Variants in MAP3K9 observed in about 807,000 individuals in gnomAD.
MAP3K9 encodes the protein mitogen-activated protein kinase kinase kinase 9.
Under a neutral mutation model 95.8 loss-of-function variants are expected in MAP3K9, and 46 were observed. The observed-to-expected ratio is 0.48, with a 90% CI of 0.38 to 0.61. The LOEUF is 0.61. MAP3K9 is among the 20% of genes least tolerant of loss of function. MAP3K9 has a pLI of 0.00. For missense variants in MAP3K9, 1,296 were observed against 1,474.3 expected (o/e 0.88, Z 1.98); for synonymous variants, 533 against 593.8 (o/e 0.90, Z 1.49).
chr14:70,783,168 G>T (rs961502578), intron 2 of MAP3K9: 2 of 620,698 alleles, frequency 3.2e-6, no homozygotes, highest in Non-Finnish European at 4.0e-6. Flanking sequence ...ACCTAAAATT[G>T]GCCAGATTCA....
At chr14:70,753,636 C>T (rs148895908) in intron 3 of MAP3K9, among the ~76,000 whole-genome samples, 85 of 152,282 alleles carry the variant, frequency 5.6e-4, no homozygotes, top group Non-Finnish European at 1.8e-4. Flanking sequence ...TGGAAGAACT[C>T]GTTCAGCTAA....
rs1030587961 is a variant in MAP3K9 at position 70,761,079 on chromosome 14, A to G, written c.924T>C (p.Ser308=). The G allele has an allele frequency of 6.2e-7, 1 of 1,612,390 alleles. No individual in the cohort carries two copies. ...CCATCCAAGCATACGTCCCTGCCGCACTCATCTTGGTGGTTCGGTGCCATT... is the reference window on the plus strand; with the variant it reads ...CCATCCAAGCATACGTCCCTGCCGCGCTCATCTTGGTGGTTCGGTGCCATT... ...AREWHRTTKM[S]AAGTYAWMAP... Residue 308 remains serine, a synonymous_variant, in exon 3 of 12, where the codon AGT becomes AGC. Transcript: ENST00000554752.
chr14:70,765,531 T>C, intron 2 of MAP3K9: 4 of 656,428 alleles, frequency 6.1e-6, no homozygotes, highest in Non-Finnish European at 1.1e-5. Flanking sequence ...ATATTTTTAC[T>C]GTACCTTTTC....
chr14:70,796,344 C>T (rs1458900618), intron 2 of MAP3K9, among the ~76,000 whole-genome samples: 1 of 152,142 alleles, frequency 6.6e-6, no homozygotes, highest in Non-Finnish European at 1.5e-5. Flanking sequence ...GTAGTATAAA[C>T]CAGTAGTTAA....
intron 2 of MAP3K9, among the ~76,000 whole-genome samples, chr14:70,790,409 C>T (rs914280951): frequency 1.3e-5 from 2 of 152,180 alleles, no homozygotes; most frequent in Non-Finnish European, 2.9e-5. Flanking sequence ...GACCACCTGT[C>T]CAAACCCCTC....
chr14:70,733,409 G>C (rs574352740), intron 10 of MAP3K9, 67 bp from the exon 11 acceptor site: 1 of 729,488 alleles, frequency 1.4e-6, no homozygotes, highest in African/African-American at 1.8e-5. Flanking sequence ...TAAGAATCTG[G>C]CCCTTTCCCC....
chr14:70,751,581 TG>T (rs1159847442), intron 3 of MAP3K9, among the ~76,000 whole-genome samples: 1 of 152,082 alleles, frequency 6.6e-6, no homozygotes, highest in African/African-American at 2.4e-5. Context: ...TAGCCAGGTG[TG>T]GTGGTGCATG....
Position 70,732,542 on chromosome 14 carries a change from C to T in MAP3K9, c.2827G>A (p.Ala943Thr). 1 of 1,562,948 alleles carries T rather than the reference C, an allele frequency of 6.4e-7. No homozygotes were observed. Among genetic ancestry groups the T allele is most frequent in the Non-Finnish European group, 8.7e-7 (1 of 1,155,186 alleles). The change falls in exon 11 of 12, where the codon GCA becomes ACA. Residue 943 changes from alanine (A) to threonine (T), a missense_variant. By Grantham distance (58) the Ala-to-Thr change is moderately conservative. Around this residue, in one of 5 missense-constraint regions of MAP3K9, gnomAD observed 433 missense variants for 441.4 expected, o/e 0.98. Coordinates refer to ENST00000554752, the MANE Select transcript of MAP3K9 (RefSeq NM_001284230.2). ...AGAAAAGAGGAAGAAGACTCACCTGCTCCAGGACTGGGGCTCAACCCATTG... is the reference window on the plus strand; with the variant it reads ...AGAAAAGAGGAAGAAGACTCACCTGTTCCAGGACTGGGGCTCAACCCATTG... ...SSNGLSPSPGAGMLKTPSPSR... is the reference protein window; with the variant it reads ...SSNGLSPSPGTGMLKTPSPSR...
chr14:70,733,448 G>T, intron 10 of MAP3K9, 106 bp from the exon 11 acceptor site: 1 of 614,470 alleles, frequency 1.6e-6, no homozygotes, highest in Non-Finnish European at 2.9e-6. Flanking sequence ...CTCAGTCTCA[G>T]GGACACAAAG....
chr14:70,790,363 G>C (rs1734202376), intron 2 of MAP3K9, among the ~76,000 whole-genome samples: 1 of 152,222 alleles, frequency 6.6e-6, no homozygotes, highest in African/African-American at 2.4e-5. Flanking sequence ...CAAATACACA[G>C]ACATTCATGC....
At chr14:70,808,214 C>G (rs2055013030) in intron 1 of MAP3K9, among the ~76,000 whole-genome samples, 2 of 152,194 alleles carry the variant, frequency 1.3e-5, no homozygotes, top group African/African-American at 4.8e-5. Context: ...AGAAATCAAC[C>G]CGACATTTTA....
chr14:70,798,161 T>C (rs1458706722), intron 2 of MAP3K9, among the ~76,000 whole-genome samples: 2 of 152,174 alleles, frequency 1.3e-5, no homozygotes, highest in East Asian at 3.9e-4. Context: ...ACAGGGTAAC[T>C]TTTCCTGCAT....
In MAP3K9 at chr14:70,730,482, A is replaced by G. The variant is rs756207213; in HGVS notation, c.3213T>C (p.Asp1071=). 2 of 1,613,982 alleles carry G rather than the reference A, an allele frequency of 1.2e-6. No individual in the cohort carries two copies. Among genetic ancestry groups the G allele is most frequent in the Non-Finnish European group, 8.5e-7 (1 of 1,180,036 alleles). The change falls in exon 12 of 12, where the codon GAT becomes GAC. Residue 1071 remains aspartate (D), a synonymous_variant. Transcript: ENST00000554752. ...PPTERTLLDL[D]AEGQSQDSTV... ...TGCTGTCCTGACTCTGCCCCTCTGC[A>G]TCCAGGTCCAGGAGCGTCCGCTCAG...
intron 2 of MAP3K9, among the ~76,000 whole-genome samples, chr14:70,779,133 C>T (rs529870434): frequency 6.6e-6 from 1 of 152,306 alleles, no homozygotes; most frequent in East Asian, 1.9e-4. Flanking sequence ...TGGAGCAGAA[C>T]TTTCATGAGG....
chr14:70,742,007 C>T (rs1214396464), intron 6 of MAP3K9, among the ~76,000 whole-genome samples: 1 of 152,204 alleles, frequency 6.6e-6, no homozygotes, highest in Non-Finnish European at 1.5e-5. Context: ...GTGTCTCACA[C>T]ATGCACACCC....
Position 70,730,941 on chromosome 14 carries a change from A to C in MAP3K9, c.2831-77T>G, listed in dbSNP as rs1269617334. ...GTTAGATATCCGCTACTCCCCCCCA[A>C]CACCACCATATCCCTACGCAATCAG... On this transcript the variant is annotated intron_variant, in intron 11 of 11. Transcript: ENST00000554752. 8 of 1,417,968 alleles carry C rather than the reference A, an allele frequency of 5.6e-6. No homozygotes were observed. The East Asian group carries it at 9.3e-5, about 16-fold the overall frequency. 87.8% of individuals were successfully genotyped at this position (1,417,968 alleles called of 1,614,324 possible).
Position 70,748,736 on chromosome 14 carries a change from G to C in MAP3K9, c.1326+93C>G. ...AGAATCAAGATGGTCAGTCAGACTC[G>C]GTCCAGAGGTCCCTGTGAGTGAGGT... On this transcript the variant is annotated intron_variant, in intron 5 of 11. Transcript: ENST00000554752. 3.2e-6 allele frequency: 3 copies of C among 930,774 alleles called. No individual in the cohort carries two copies. The South Asian group carries it at 5.3e-5, about 16-fold the overall frequency. 57.7% of individuals were successfully genotyped at this position (930,774 alleles called of 1,614,324 possible).
At position 70,730,318 on chromosome 14, in the gene MAP3K9, T is replaced by C; in HGVS notation, c.*62A>G. On this transcript the variant is annotated 3_prime_UTR_variant, in exon 12 of 12. Coordinates refer to ENST00000554752, the MANE Select transcript of MAP3K9 (RefSeq NM_001284230.2). ...GGGGTCCAACCCTGAGAAAGGGCTG[T>C]GCCCGCCAGCTCCCCTCATCTCCGC... is the stretch of plus-strand genomic sequence containing the variant. 1 of 1,553,256 alleles carries C rather than the reference T, an allele frequency of 6.4e-7. No individual in the cohort carries two copies. Among genetic ancestry groups the C allele is most frequent in the South Asian group, 1.2e-5 (1 of 81,010 alleles).
rs1010645054 is a variant in MAP3K9 at position 70,724,145 on chromosome 14, T to C, written c.*6235A>G. 2 of 152,186 alleles carry C rather than the reference T, an allele frequency of 1.3e-5. No homozygotes were observed. Among genetic ancestry groups the C allele is most frequent in the African/African-American group, 4.8e-5 (2 of 41,444 alleles). The allele number at this position is 152,186 out of a possible 1,614,324, so 9.4% of individuals were successfully genotyped here. On this transcript the variant is annotated 3_prime_UTR_variant, in exon 12 of 12. Coordinates refer to ENST00000554752, the MANE Select transcript of MAP3K9 (RefSeq NM_001284230.2). Reference sequence around the variant, plus strand: ...TTCATTCACTTCTGGAATTCAAACATGTTCCAAAGAGGTTTAAGAGGAGAA... The same window carrying C: ...TTCATTCACTTCTGGAATTCAAACACGTTCCAAAGAGGTTTAAGAGGAGAA...
Sources: allele counts gnomAD v4.1 joint callset (sites outside exome capture counted in the v4.1 genomes callset), GRCh38; gene constraint gnomAD v4.1.1; regional missense constraint gnomAD v4.1.1; transcripts MANE v1.5; gene names NCBI Gene and HGNC (gene_info 2026-07-23, HGNC 2026-07-21).